The following DLC1 variants were observed in gnomAD, a reference collection of about 807,000 sequenced individuals.
DLC1 encodes rho GTPase-activating protein 7.
A neutral mutation model predicts 140.3 loss-of-function variants in DLC1; 54 were observed. The observed-to-expected ratio is 0.38, with a 90% confidence interval of 0.31 to 0.48. The LOEUF (loss-of-function observed/expected upper bound fraction) is 0.48. Among genes scored for constraint, DLC1 ranks in the 20% least tolerant of loss-of-function variants. DLC1 has a pLI of 0.96. For synonymous variants in DLC1, 986 were observed against 728.1 expected (o/e 1.35, Z -5.70); for missense variants, 2,536 against 1,907.0 (o/e 1.33, Z -6.14).
rs180795755 is a variant in DLC1 at position 13,578,426 on chromosome 8, G to A, written c.-126+26111C>T. ...TGCTACACCAAGCAATTCTGCAGTGGATACAAACTGGGTGTCCTAGAATTC... is the reference window on the plus strand; with the variant it reads ...TGCTACACCAAGCAATTCTGCAGTGAATACAAACTGGGTGTCCTAGAATTC... On this transcript the variant is annotated intron_variant, in intron 1 of 1. Transcript: ENST00000631382. 9.1e-4 allele frequency among the ~76,000 whole-genome samples: 139 copies of A among 152,194 alleles called. 1 individual carries two copies. The highest frequency in any genetic ancestry group is 6.8e-3 in the Middle Eastern group (2 of 294).
At chr8:13,593,346 G>A (rs1314561628) in intron 1 of DLC1, among the ~76,000 whole-genome samples, 1 of 152,094 alleles carries the variant, frequency 6.6e-6, no homozygotes, top group Non-Finnish European at 1.5e-5. Context: ...AATATTTCCA[G>A]TTCTTCTGGG....
intron 2 of DLC1, among the ~76,000 whole-genome samples, chr8:13,437,941 TA>T (rs1330065203): frequency 6.6e-4 from 95 of 143,386 alleles, no homozygotes; most frequent in East Asian, 8.0e-4. Context: ...TCCAGGAAAC[TA>T]AAAAAAAAAA....
intron 5 of DLC1, among the ~76,000 whole-genome samples, chr8:13,181,314 CTTT>C (rs113553962): frequency 2.1e-5 from 3 of 140,412 alleles, no homozygotes; most frequent in Non-Finnish European, 4.7e-5. Flanking sequence ...GGCTGTATTT[CTTT>C]TTTTTTTTTC....
intron 5 of DLC1, among the ~76,000 whole-genome samples, chr8:13,138,190 G>T (rs1169888138): frequency 6.6e-6 from 1 of 152,212 alleles, no homozygotes; most frequent in Non-Finnish European, 1.5e-5. Flanking sequence ...AGTGAGTAAA[G>T]TTGACCCTAG....
At chr8:13,520,755 C>T (rs1409028446) in intron 1 of DLC1, among the ~76,000 whole-genome samples, 1 of 152,088 alleles carries the variant, frequency 6.6e-6, no homozygotes, top group Non-Finnish European at 1.5e-5. Context: ...CTCAAAGATT[C>T]CCAGCCATGC....
At position 13,094,868 on chromosome 8, in the gene DLC1, T is replaced by A; in HGVS notation, c.3417A>T (p.Glu1139Asp). The change falls in exon 12 of 18, where the codon GAA becomes GAT. Residue 1139 changes from glutamate to aspartate, a missense_variant. Glu to Asp is a conservative substitution (Grantham distance 45). Coordinates refer to ENST00000276297, the MANE Select transcript of DLC1 (RefSeq NM_182643.3). ...CTGCCACGTCATAAGCAGACTGTCC[T>A]TCGTAGTTGACACAGTCTATGGCAC... ...NEGAIDCVNY[E>D]GQSAYDVADM... 1.9e-6 allele frequency: 3 copies of A among 1,614,240 alleles called. No individual in the cohort carries two copies. In the Middle Eastern group the frequency reaches 4.9e-4, roughly 266 times the overall value.
intron 1 of DLC1, among the ~76,000 whole-genome samples, chr8:13,539,632 T>G (rs967451027): frequency 7.2e-5 from 11 of 152,104 alleles, no homozygotes; most frequent in Non-Finnish European, 1.3e-4. Context: ...GCAACTGATG[T>G]CAGGAGTTGC....
intron 5 of DLC1, among the ~76,000 whole-genome samples, chr8:13,149,777 C>G (rs1002541814): frequency 1.3e-5 from 2 of 152,210 alleles, no homozygotes; most frequent in African/African-American, 2.4e-5. Context: ...CTTTAGTCCC[C>G]ACTGGTTAAG....
intron 2 of DLC1, among the ~76,000 whole-genome samples, chr8:13,483,695 C>T (rs1800842342): frequency 6.6e-6 from 1 of 152,068 alleles, no homozygotes; most frequent in South Asian, 2.1e-4. Context: ...CATAGGTGAA[C>T]AGGGCCCAGA....
intron 2 of DLC1, among the ~76,000 whole-genome samples, chr8:13,449,408 G>C (rs1422772993): frequency 1.3e-5 from 2 of 152,168 alleles, no homozygotes; most frequent in African/African-American, 2.4e-5. Flanking sequence ...AGAGGAGATT[G>C]TGTTATGTTT....
intron 1 of DLC1, among the ~76,000 whole-genome samples, chr8:13,541,582 C>G (rs115342429): frequency 1.3e-5 from 2 of 152,090 alleles, no homozygotes; most frequent in Non-Finnish European, 2.9e-5. Context: ...CGGGGTCTCA[C>G]TCTGTCGCCA....
rs569151654 is a variant in DLC1 at position 13,084,137 on chromosome 8, T to A, written c.*1674A>T. On this transcript the variant is annotated 3_prime_UTR_variant, in exon 18 of 18. Coordinates refer to ENST00000276297, the MANE Select transcript of DLC1 (RefSeq NM_182643.3). The stretch of plus-strand genomic sequence containing the variant: ...ATATCTTAAATAATAATCTTTATCA[T>A]GCTTTATCTATGTTTGAAAGCACAG... The A allele has an allele frequency of 5.2e-5, 8 of 152,768 alleles. No individual in the cohort carries two copies. The East Asian group carries it at 1.5e-3, about 29-fold the overall frequency. The allele number at this position is 152,768 out of a possible 1,614,324, so 9.5% of individuals were successfully genotyped here.
intron 5 of DLC1, among the ~76,000 whole-genome samples, chr8:13,252,771 G>T (rs1176723711): frequency 6.6e-6 from 1 of 152,150 alleles, no homozygotes; most frequent in Non-Finnish European, 1.5e-5. Flanking sequence ...ATGCTCCAAA[G>T]AACTGTTCCA....
intron 2 of DLC1, among the ~76,000 whole-genome samples, chr8:13,439,930 G>A (rs1260820789): frequency 6.6e-6 from 1 of 151,946 alleles, no homozygotes; most frequent in Non-Finnish European, 1.5e-5. Flanking sequence ...AGTTTTTTCA[G>A]CTTATCCTTA....
intron 2 of DLC1, among the ~76,000 whole-genome samples, chr8:13,403,146 A>G (rs1045366707): frequency 2.0e-4 from 31 of 152,228 alleles, no homozygotes; most frequent in African/African-American, 7.5e-4. Flanking sequence ...ATTCCTTCAG[A>G]ATACTATGCT....
At chr8:13,407,957 T>C (rs889901692) in intron 2 of DLC1, among the ~76,000 whole-genome samples, 7 of 152,108 alleles carry the variant, frequency 4.6e-5, no homozygotes, top group African/African-American at 1.7e-4. Context: ...CTTAAAATAA[T>C]ATCCTGTTTT....
At chr8:13,301,472 A>G (rs1349337881) in intron 5 of DLC1, among the ~76,000 whole-genome samples, 1 of 152,172 alleles carries the variant, frequency 6.6e-6, no homozygotes, top group African/African-American at 2.4e-5. Flanking sequence ...AAAGACAGCT[A>G]CCATTTTTTG....
intron 2 of DLC1, among the ~76,000 whole-genome samples, chr8:13,431,482 C>CAAA (rs56057254): frequency 0.021 from 842 of 40,628 alleles, 161 homozygotes; most frequent in Non-Finnish European, 0.023. Flanking sequence ...GACTCCGTCT[C>CAAA]AAAAAAAAAA....
At chr8:13,540,888 A>G (rs1803459545) in intron 1 of DLC1, among the ~76,000 whole-genome samples, 1 of 152,316 alleles carries the variant, frequency 6.6e-6, no homozygotes, top group East Asian at 1.9e-4. Context: ...GACTCTAGCA[A>G]AATTCGTGCT....
Sources: allele counts gnomAD v4.1 joint callset (sites outside exome capture counted in the v4.1 genomes callset), GRCh38; gene constraint gnomAD v4.1.1; transcripts MANE v1.5; gene names NCBI Gene and HGNC (gene_info 2026-07-23, HGNC 2026-07-21).